The following KIAA0319 variants were observed in gnomAD, a reference collection of about 807,000 sequenced individuals.
KIAA0319 encodes dyslexia-associated protein KIAA0319.
Under a neutral mutation model 108.4 loss-of-function variants are expected in KIAA0319, and 83 were observed. The ratio of observed to expected loss-of-function variants is 0.77; its 90% CI spans 0.64 to 0.92. KIAA0319 has a LOEUF of 0.92. KIAA0319 is among the 40% of genes least tolerant of loss of function. The pLI, the probability that KIAA0319 is intolerant of heterozygous loss-of-function variation, is 0.00. For synonymous variants in KIAA0319, 484 were observed against 510.4 expected (o/e 0.95, Z 0.70); for missense variants, 1,195 against 1,322.4 (o/e 0.90, Z 1.49).
chr6:24,588,104 C>G (rs1767833931), intron 4 of KIAA0319, among the ~76,000 whole-genome samples: 1 of 152,210 alleles, frequency 6.6e-6, no homozygotes, highest in Non-Finnish European at 1.5e-5. Flanking sequence ...TTTTCTTGCA[C>G]AGGCAATGAA....
chr6:24,637,105 T>C (rs916794588), intron 1 of KIAA0319, among the ~76,000 whole-genome samples: 1 of 152,238 alleles, frequency 6.6e-6, no homozygotes, highest in Non-Finnish European at 1.5e-5. Context: ...AGTATGGTCC[T>C]GAAGATGAAG....
rs764238150 is a variant in KIAA0319 at position 24,564,237 on chromosome 6, G to A, written c.2396C>T (p.Ser799Leu). ...HLRVTDSQGA[S>L]DTDTATVEVQ... ...TTCCACAGTGGCAGTGTCTGTGTCC[G>A]AGGCCCCCTGACTGTCGGTGACTCG... The change falls in exon 15 of 21, where the codon TCG becomes TTG. Residue 799 changes from serine (S) to leucine (L), a missense_variant. Ser to Leu is a moderately radical substitution (Grantham distance 145). Coordinates refer to ENST00000378214, the MANE Select transcript of KIAA0319 (RefSeq NM_014809.4). 2.9e-5 allele frequency: 46 copies of A among 1,613,980 alleles called. No individual in the cohort carries two copies. Among genetic ancestry groups the A allele is most frequent in the Non-Finnish European group, 3.6e-5 (42 of 1,180,008 alleles).
In KIAA0319 at chr6:24,612,883, C is replaced by T. The variant is rs555347869; in HGVS notation, c.-105-11675G>A. Among the ~76,000 whole-genome samples, 48 of 152,190 alleles carry T rather than the reference C, an allele frequency of 3.2e-4. 1 individual carries two copies. The highest frequency in any genetic ancestry group is 1.0e-3 in the African/African-American group (43 of 41,522). On this transcript the variant is annotated intron_variant, in intron 1 of 20. Coordinates refer to ENST00000378214, the MANE Select transcript of KIAA0319 (RefSeq NM_014809.4). The stretch of plus-strand genomic sequence containing the variant: ...GCACGATCTCCGCTCAATGCAAGCT[C>T]CGCCTCCCCGGTTCACGCCATTCTC...
chr6:24,630,087 G>A (rs1205710771), intron 1 of KIAA0319, among the ~76,000 whole-genome samples: 6 of 152,190 alleles, frequency 3.9e-5, no homozygotes, highest in African/African-American at 1.4e-4. Context: ...GCTGAAGCAG[G>A]AGAATTGCTT....
At chr6:24,564,618 T>C (rs964572914) in intron 14 of KIAA0319, among the ~76,000 whole-genome samples, 16 of 152,152 alleles carry the variant, frequency 1.1e-4, no homozygotes, top group African/African-American at 3.4e-4. Flanking sequence ...ATTAATTGTA[T>C]CCAACAAAGG....
At chr6:24,569,672 C>G (rs1181562861) in intron 12 of KIAA0319, among the ~76,000 whole-genome samples, 1 of 152,158 alleles carries the variant, frequency 6.6e-6, no homozygotes, top group Non-Finnish European at 1.5e-5. Flanking sequence ...CGCCTCACAC[C>G]AAGACAGCCC....
chr6:24,617,088 T>C (rs1773247111), intron 1 of KIAA0319, among the ~76,000 whole-genome samples: 1 of 152,162 alleles, frequency 6.6e-6, no homozygotes, highest in Non-Finnish European at 1.5e-5. Context: ...TAAAAGTTGA[T>C]ATTTAATATC....
intron 11 of KIAA0319, among the ~76,000 whole-genome samples, chr6:24,571,189 C>G (rs1351834487): frequency 6.8e-6 from 1 of 146,898 alleles, no homozygotes; most frequent in Non-Finnish European, 1.5e-5. Context: ...GAGACTCTGT[C>G]TCGAGGGAAA....
chr6:24,644,451 G>A (rs1777359969), intron 1 of KIAA0319, among the ~76,000 whole-genome samples: 2 of 152,020 alleles, frequency 1.3e-5, no homozygotes, highest in African/African-American at 2.4e-5. Flanking sequence ...TATGCTGTAG[G>A]AACTTAACTC....
At chr6:24,567,809 CATA>C (rs1026637071) in intron 13 of KIAA0319, among the ~76,000 whole-genome samples, 1 of 152,094 alleles carries the variant, frequency 6.6e-6, no homozygotes, top group African/African-American at 2.4e-5. Context: ...GTGGGGAGAT[CATA>C]ATAAGACACA....
intron 2 of KIAA0319, chr6:24,598,388 T>G: frequency 1.6e-6 from 1 of 619,600 alleles, no homozygotes. Flanking sequence ...AACAAGGTGC[T>G]GGAGACCAAC....
chr6:24,624,023 T>TTTC (rs1562090917), intron 1 of KIAA0319, among the ~76,000 whole-genome samples: 3 of 138,744 alleles, frequency 2.2e-5, no homozygotes, highest in East Asian at 4.1e-4. Flanking sequence ...TTTTCTTTTT[T>TTTC]TTTTTTTTTT....
intron 1 of KIAA0319, among the ~76,000 whole-genome samples, chr6:24,642,632 C>A (rs1434786228): frequency 6.6e-6 from 1 of 152,182 alleles, no homozygotes; most frequent in African/African-American, 2.4e-5. Context: ...ATGACCCCAA[C>A]TTTGAAAATT....
intron 1 of KIAA0319, among the ~76,000 whole-genome samples, chr6:24,635,791 G>A (rs1051252778): frequency 2.6e-5 from 4 of 152,128 alleles, no homozygotes; most frequent in Non-Finnish European, 5.9e-5. Flanking sequence ...GCTTTCAACT[G>A]AAAACTTGAT....
At chr6:24,565,182 A>G (rs2760161) in intron 14 of KIAA0319, among the ~76,000 whole-genome samples, 8,544 of 151,462 alleles carry the variant, frequency 0.056, 570 homozygotes, top group African/African-American at 0.16. Flanking sequence ...GAACCTGGGA[A>G]GTGGAGCTTG....
At chr6:24,547,401 A>G in intron 20 of KIAA0319, 58 bp from the exon 21 acceptor site, 1 of 1,495,514 alleles carries the variant, frequency 6.7e-7, no homozygotes, top group Non-Finnish European at 9.2e-7. Flanking sequence ...TCCAGCTGTC[A>G]GTCGTTGTGG....
Position 24,596,279 on chromosome 6 carries a change from TC to T in KIAA0319, c.394del (p.Asp132ThrfsTer10), listed in dbSNP as rs745716096. On this transcript the variant is annotated frameshift_variant, in exon 3 of 21. Coordinates refer to ENST00000378214, the MANE Select transcript of KIAA0319 (RefSeq NM_014809.4). LOFTEE classifies it high-confidence loss of function. ...NRGSPSGIWG[D>X]SPEDIRKDLT... Reference sequence around the variant, plus strand: ...GTCCTTTCTGATATCCTCAGGTGAGTCCCCCCAGATCCCCGAGGGGGAGCCC... The same window carrying T: ...GTCCTTTCTGATATCCTCAGGTGAGTCCCCCAGATCCCCGAGGGGGAGCCC... 1.9e-5 allele frequency: 30 copies of T among 1,613,858 alleles called. No individual in the cohort carries two copies. The highest frequency in any genetic ancestry group is 2.3e-5 in the Non-Finnish European group (27 of 1,179,894).
intron 16 of KIAA0319, 94 bp from the exon 17 acceptor site, chr6:24,559,249 G>A (rs556268082): frequency 7.2e-7 from 1 of 1,391,946 alleles, no homozygotes; most frequent in African/African-American, 1.4e-5. Flanking sequence ...AAACTGGGGA[G>A]GTAGACGGCT....
intron 6 of KIAA0319, 105 bp downstream of exon 6, chr6:24,582,144 C>T (rs1766658117): frequency 2.8e-6 from 2 of 708,060 alleles, no homozygotes; most frequent in East Asian, 2.8e-5. Flanking sequence ...AGACTCTGTC[C>T]CCAAAAAGAA....
Sources: gnomAD v4.1 joint callset for allele counts (sites outside exome capture counted in the v4.1 genomes callset) on GRCh38, gnomAD v4.1.1 for gene constraint, MANE v1.5 for transcripts, NCBI Gene and HGNC (gene_info 2026-07-23, HGNC 2026-07-21) for gene names.